Variants in MYLK observed in about 807,000 individuals in gnomAD.
The protein encoded by MYLK is myosin light chain kinase, smooth muscle.
In MYLK, 106 loss-of-function variants were observed where a neutral mutation model predicts 203.4. The observed-to-expected ratio is 0.52, with a 90% CI of 0.45 to 0.61. The LOEUF (loss-of-function observed/expected upper bound fraction) is 0.61, where lower values mean the gene tolerates loss of function less well. Ranked by LOEUF, MYLK falls within the 20% of genes least tolerant of loss-of-function variation. The pLI is 0.00. For missense variants in MYLK, 2,072 were observed against 2,442.3 expected, an observed-to-expected ratio of 0.85 and a Z score of 3.20; for synonymous variants, 867 against 959.5, an observed-to-expected ratio of 0.90 and a Z score of 1.78.
intron 13 of MYLK, among the ~76,000 whole-genome samples, chr3:123,716,582 T>C (rs534253485): frequency 2.0e-5 from 3 of 152,346 alleles, no homozygotes; most frequent in East Asian, 3.9e-4. Flanking sequence ...GCCTTTCCAC[T>C]GTCTTAGAAG....
At chr3:123,730,688 C>T (rs929959919) in intron 11 of MYLK, among the ~76,000 whole-genome samples, 4 of 152,120 alleles carry the variant, frequency 2.6e-5, no homozygotes, top group African/African-American at 9.7e-5. Context: ...CATTTAACAT[C>T]AAATGTTCAG....
At chr3:123,875,548 T>C (rs1295226724) in intron 2 of MYLK, among the ~76,000 whole-genome samples, 1 of 152,234 alleles carries the variant, frequency 6.6e-6, no homozygotes, top group African/African-American at 2.4e-5. Flanking sequence ...GGTGCCTATA[T>C]GACTATATAT....
intron 3 of MYLK, among the ~76,000 whole-genome samples, chr3:123,810,261 C>G (rs4678062): frequency 6.6e-5 from 10 of 152,042 alleles, no homozygotes; most frequent in Admixed American, 6.5e-4. Context: ...ACAGAATGGC[C>G]GTGTTTCCCG....
chr3:123,662,183 G>A (rs1033250073), intron 23 of MYLK, among the ~76,000 whole-genome samples: 1 of 152,202 alleles, frequency 6.6e-6, no homozygotes, highest in Non-Finnish European at 1.5e-5. Flanking sequence ...CAGCCAGAGT[G>A]TTCCTTTACC....
At chr3:123,798,414 C>G (rs1560231715) in intron 3 of MYLK, among the ~76,000 whole-genome samples, 1 of 152,076 alleles carries the variant, frequency 6.6e-6, no homozygotes, top group Non-Finnish European at 1.5e-5. Flanking sequence ...TCAGGCCTGG[C>G]TTTGAAGACA....
At chr3:123,668,453 A>C (rs2059808847) in intron 20 of MYLK, among the ~76,000 whole-genome samples, 1 of 151,858 alleles carries the variant, frequency 6.6e-6, no homozygotes, top group East Asian at 1.9e-4. Context: ...GACATTCTAG[A>C]AAAGGCAGAA....
chr3:123,633,458 A>G (rs1370662061), intron 29 of MYLK, among the ~76,000 whole-genome samples: 2 of 152,202 alleles, frequency 1.3e-5, no homozygotes, highest in East Asian at 1.9e-4. Flanking sequence ...AAAAAAATCA[A>G]CCGGTCAACA....
At chr3:123,692,911 G>A in intron 18 of MYLK, 60 bp from the exon 19 acceptor site, 2 of 1,440,942 alleles carry the variant, frequency 1.4e-6, no homozygotes, top group Non-Finnish European at 2.0e-6. Flanking sequence ...CCTGGCATCT[G>A]GAGCGCAGCA....
intron 2 of MYLK, among the ~76,000 whole-genome samples, chr3:123,843,300 A>G (rs1183672007): frequency 6.6e-6 from 1 of 152,220 alleles, no homozygotes; most frequent in East Asian, 1.9e-4. Flanking sequence ...AAATTGGGGC[A>G]CAGTTTAAAG....
At chr3:123,670,527 G>C (rs554568263) in intron 20 of MYLK, among the ~76,000 whole-genome samples, 1 of 152,236 alleles carries the variant, frequency 6.6e-6, no homozygotes, top group African/African-American at 2.4e-5. Context: ...GGCAGAGGTG[G>C]CAAGATCACT....
intron 13 of MYLK, 57 bp from the exon 14 acceptor site, chr3:123,709,950 C>T (rs2061626136): frequency 1.2e-6 from 2 of 1,607,686 alleles, no homozygotes; most frequent in African/African-American, 1.3e-5. Context: ...TCAACAAACA[C>T]AGACTAAATG....
intron 3 of MYLK, among the ~76,000 whole-genome samples, chr3:123,827,516 A>T: frequency 6.6e-6 from 1 of 151,524 alleles, no homozygotes; most frequent in East Asian, 1.9e-4. Flanking sequence ...GAAAGAAAGA[A>T]GGGAAAAACT....
chr3:123,872,405 T>C (rs1405606819), intron 2 of MYLK, among the ~76,000 whole-genome samples: 1 of 152,134 alleles, frequency 6.6e-6, no homozygotes, highest in Non-Finnish European at 1.5e-5. Flanking sequence ...GCTAACACTA[T>C]CAACCTTGAG....
intron 33 of MYLK, 144 bp from the exon 34 acceptor site, chr3:123,614,493 A>T (rs2057355569): frequency 2.4e-6 from 2 of 839,504 alleles, no homozygotes; most frequent in Non-Finnish European, 3.9e-6. Context: ...GACTGTTTTG[A>T]TATCTACATT....
chr3:123,725,505 C>A (rs2062247590), intron 12 of MYLK, among the ~76,000 whole-genome samples: 1 of 152,138 alleles, frequency 6.6e-6, no homozygotes, highest in Non-Finnish European at 1.5e-5. Context: ...AAGGTAAGAT[C>A]CCTCATGCGA....
At chr3:123,739,699 T>A (rs1248418998) in intron 6 of MYLK, among the ~76,000 whole-genome samples, 1 of 152,212 alleles carries the variant, frequency 6.6e-6, no homozygotes, top group Non-Finnish European at 1.5e-5. Context: ...TTGCCTTGAT[T>A]GTTAGAGTCC....
intron 4 of MYLK, among the ~76,000 whole-genome samples, chr3:123,762,840 GCATTGAT>G (rs1250984203): frequency 6.6e-6 from 1 of 152,182 alleles, no homozygotes; most frequent in Non-Finnish European, 1.5e-5. Context: ...ACCAAGTGGT[GCATTGAT>G]CTTAGACTTC....
At position 123,700,542 on chromosome 3, in the gene MYLK, G is replaced by T. The variant is rs139107387; in HGVS notation, c.2926C>A (p.Pro976Thr). The change falls in exon 18 of 34, where the codon CCT becomes ACT. Residue 976 changes from proline (P) to threonine (T), a missense_variant. By Grantham distance (38) the Pro-to-Thr change is conservative (BLOSUM62 -1). This residue lies in a region of MYLK where 865 missense variants were observed against 1,016.0 expected (regional missense o/e 0.85). Transcript: ENST00000360304. ...PVPEKVPPPK[P>T]ATPDFRSVLG... ...ACTGAGCGAAAATCCGGGGTGGCAG[G>T]TTTTGGCGGTGGCACCTTCTCAGGC... 6.2e-7 allele frequency: 1 copy of T among 1,613,722 alleles called. No homozygotes were observed. Among genetic ancestry groups the T allele is most frequent in the African/African-American group, 1.3e-5 (1 of 75,022 alleles).
intron 3 of MYLK, among the ~76,000 whole-genome samples, chr3:123,813,403 T>C (rs1454389459): frequency 2.0e-5 from 3 of 152,154 alleles, no homozygotes; most frequent in Admixed American, 1.3e-4. Flanking sequence ...ACCTTGGTTA[T>C]CTTAATCAGG....
Sources: allele counts gnomAD v4.1 joint callset (sites outside exome capture counted in the v4.1 genomes callset), GRCh38; gene constraint gnomAD v4.1.1; regional missense constraint gnomAD v4.1.1; transcripts MANE v1.5; gene names NCBI Gene and HGNC (gene_info 2026-07-23, HGNC 2026-07-21).